AUTS2: variants seen among roughly 807,000 people sequenced by gnomAD.
AUTS2 encodes activator of transcription and developmental regulator AUTS2.
Under a neutral mutation model 112.4 loss-of-function variants are expected in AUTS2, and 17 were observed. The ratio of observed to expected loss-of-function variants is 0.15; its 90% CI spans 0.10 to 0.23. AUTS2 has a LOEUF of 0.23. Ranked by LOEUF, AUTS2 falls within the 10% of genes least tolerant of loss-of-function variation. AUTS2 has a pLI of 1.00. For missense variants in AUTS2, 1,510 were observed against 1,701.6 expected, an observed-to-expected ratio of 0.89 and a Z score of 1.98; for synonymous variants, 751 against 702.7, an observed-to-expected ratio of 1.07 and a Z score of -1.09.
At chr7:70,785,269 G>A in intron 16 of AUTS2, 2 of 618,112 alleles carry the variant, frequency 3.2e-6, no homozygotes, top group South Asian at 1.8e-5. Context: ...ACTTCCCATG[G>A]TGCAGTGGGT....
At chr7:70,750,107 A>G (rs2129555252) in intron 6 of AUTS2, among the ~76,000 whole-genome samples, 1 of 152,284 alleles carries the variant, frequency 6.6e-6, no homozygotes, top group South Asian at 2.1e-4. Context: ...CCTGCAGAAC[A>G]GAATGAAACA....
At chr7:70,378,160 A>T (rs1438079664) in intron 4 of AUTS2, among the ~76,000 whole-genome samples, 1 of 152,166 alleles carries the variant, frequency 6.6e-6, no homozygotes, top group Non-Finnish European at 1.5e-5. Flanking sequence ...ATTCCATTGT[A>T]TGGATATGCC....
chr7:70,314,165 GTC>G lies in AUTS2; in HGVS notation c.661-121577_661-121576del, dbSNP rs571105209. 2.6e-4 allele frequency among the ~76,000 whole-genome samples: 39 copies of G among 152,188 alleles called. 2 individuals are homozygous for G. In the East Asian group the frequency reaches 6.4e-3, roughly 25 times the overall value. ...GATTTCCTTTCCTTCCGTGCATGTT[GTC>G]TCTCTCTCTTTCCCTGCCATCTCAT... On this transcript the variant is annotated intron_variant, in intron 4 of 18. Coordinates refer to ENST00000342771, the MANE Select transcript of AUTS2 (RefSeq NM_015570.4).
intron 5 of AUTS2, among the ~76,000 whole-genome samples, chr7:70,506,862 C>G (rs992961596): frequency 1.3e-5 from 2 of 152,236 alleles, no homozygotes; most frequent in African/African-American, 4.8e-5. Flanking sequence ...CCAACCTACT[C>G]TGGGCCATGT....
chr7:70,695,503 AAG>A (rs1809036590), intron 5 of AUTS2, among the ~76,000 whole-genome samples: 1 of 152,138 alleles, frequency 6.6e-6, no homozygotes, highest in South Asian at 2.1e-4. Flanking sequence ...CAGCGGGAGA[AAG>A]AACTCGCGCT....
At chr7:69,736,699 T>C (rs1433651308) in intron 1 of AUTS2, among the ~76,000 whole-genome samples, 2 of 152,200 alleles carry the variant, frequency 1.3e-5, no homozygotes, top group African/African-American at 2.4e-5. Flanking sequence ...GTCCTGTGAT[T>C]TAGAGGACAC....
chr7:70,372,682 G>T (rs1428462569), intron 4 of AUTS2, among the ~76,000 whole-genome samples: 32 of 146,386 alleles, frequency 2.2e-4, no homozygotes, highest in Admixed American at 4.1e-4. Flanking sequence ...TAAAATACAA[G>T]TATTTTAAAC....
intron 4 of AUTS2, among the ~76,000 whole-genome samples, chr7:70,375,016 G>A (rs908419461): frequency 3.9e-5 from 6 of 152,144 alleles, no homozygotes; most frequent in Admixed American, 3.9e-4. Context: ...TCCTAGGAGT[G>A]CCCCGATGCT....
chr7:69,764,121 G>A (rs761505370), intron 1 of AUTS2, among the ~76,000 whole-genome samples: 1 of 152,178 alleles, frequency 6.6e-6, no homozygotes, highest in Non-Finnish European at 1.5e-5. Context: ...TGATAAGAAG[G>A]TCAGTTACTC....
chr7:69,926,800 A>G (rs1796032802), intron 2 of AUTS2, among the ~76,000 whole-genome samples: 1 of 146,860 alleles, frequency 6.8e-6, no homozygotes, highest in East Asian at 1.9e-4. Context: ...TATATATAAA[A>G]TATATATAAA....
At chr7:69,738,847 G>C (rs1266931523) in intron 1 of AUTS2, among the ~76,000 whole-genome samples, 1 of 152,072 alleles carries the variant, frequency 6.6e-6, no homozygotes, top group Non-Finnish European at 1.5e-5. Flanking sequence ...CTCTGATTCA[G>C]CTGCTGCTGT....
intron 5 of AUTS2, among the ~76,000 whole-genome samples, chr7:70,592,276 G>A (rs1001511516): frequency 6.6e-6 from 1 of 152,174 alleles, no homozygotes; most frequent in African/African-American, 2.4e-5. Flanking sequence ...ATTGAGTTCG[G>A]AGCCAAACTG....
chr7:70,326,423 G>T (rs1343051742), intron 4 of AUTS2, among the ~76,000 whole-genome samples: 1 of 152,202 alleles, frequency 6.6e-6, no homozygotes, highest in African/African-American at 2.4e-5. Flanking sequence ...ACACAGCACC[G>T]CATGAAAACT....
At chr7:70,243,659 T>A (rs1812746939) in intron 4 of AUTS2, among the ~76,000 whole-genome samples, 1 of 149,750 alleles carries the variant, frequency 6.7e-6, no homozygotes, top group South Asian at 2.1e-4. Flanking sequence ...TGTCCCAAAG[T>A]AGTGACACAT....
intron 4 of AUTS2, among the ~76,000 whole-genome samples, chr7:70,334,235 T>C (rs1449494066): frequency 6.6e-6 from 1 of 152,184 alleles, no homozygotes; most frequent in East Asian, 1.9e-4. Flanking sequence ...TTTTCATAAA[T>C]ATTCTTTATC....
At chr7:70,337,580 G>C (rs1791052671) in intron 4 of AUTS2, among the ~76,000 whole-genome samples, 2 of 152,170 alleles carry the variant, frequency 1.3e-5, no homozygotes, top group Non-Finnish European at 2.9e-5. Flanking sequence ...TCTCAAAGGT[G>C]AATAAATGCA....
intron 4 of AUTS2, among the ~76,000 whole-genome samples, chr7:70,225,949 C>T (rs897753714): frequency 2.6e-5 from 4 of 152,110 alleles, no homozygotes; most frequent in Admixed American, 1.3e-4. Flanking sequence ...AAAAATCCAT[C>T]TCCAGCCTCT....
intron 2 of AUTS2, among the ~76,000 whole-genome samples, chr7:70,072,944 A>G (rs1455385641): frequency 6.6e-6 from 1 of 152,066 alleles, no homozygotes; most frequent in South Asian, 2.1e-4. Flanking sequence ...CCTCTAGTAA[A>G]TCAGATATAA....
chr7:70,563,002 T>C (rs185516412), intron 5 of AUTS2, among the ~76,000 whole-genome samples: 1 of 152,252 alleles, frequency 6.6e-6, no homozygotes, highest in East Asian at 1.9e-4. Context: ...GAGACTTACT[T>C]TGTGGGATCT....
Sources: allele counts gnomAD v4.1 joint callset (sites outside exome capture counted in the v4.1 genomes callset), GRCh38; gene constraint gnomAD v4.1.1; transcripts MANE v1.5; gene names NCBI Gene and HGNC (gene_info 2026-07-23, HGNC 2026-07-21).